CGNL1: variants seen among roughly 807,000 people sequenced by gnomAD.
The protein encoded by CGNL1 is cingulin-like protein 1.
Under a neutral mutation model 141.2 loss-of-function variants are expected in CGNL1, and 132 were observed. That is an observed-to-expected ratio of 0.93 (90% CI 0.81 to 1.08). The LOEUF (loss-of-function observed/expected upper bound fraction) is 1.08. CGNL1 is among the 50% of genes least tolerant of loss of function. The pLI is 0.00. For missense variants in CGNL1, 1,870 were observed against 1,588.6 expected (o/e 1.18, Z -3.01); for synonymous variants, 690 against 622.1 (o/e 1.11, Z -1.63).
intron 1 of CGNL1, among the ~76,000 whole-genome samples, chr15:57,382,119 T>TA (rs1243482771): frequency 6.6e-6 from 1 of 152,196 alleles, no homozygotes; most frequent in African/African-American, 2.4e-5. Context: ...AATTCCTGTT[T>TA]ATGTGGTACT....
intron 1 of CGNL1, among the ~76,000 whole-genome samples, chr15:57,394,838 G>A (rs1024574706): frequency 5.3e-5 from 8 of 152,310 alleles, no homozygotes; most frequent in South Asian, 4.1e-4. Flanking sequence ...TTGGCTGGGC[G>A]CAGTGGCTCA....
chr15:57,478,826 A>G (rs1183850292), intron 8 of CGNL1, among the ~76,000 whole-genome samples: 1 of 151,912 alleles, frequency 6.6e-6, no homozygotes. Context: ...TTTTTTAGAG[A>G]TGGGGTTTTG....
intron 1 of CGNL1, among the ~76,000 whole-genome samples, chr15:57,386,222 C>G (rs1259370585): frequency 1.3e-5 from 2 of 152,232 alleles, no homozygotes; most frequent in Non-Finnish European, 2.9e-5. Flanking sequence ...AACCCATTCC[C>G]TGCAGAGGAC....
At chr15:57,509,414 C>G (rs1173869240) in intron 8 of CGNL1, among the ~76,000 whole-genome samples, 1 of 152,110 alleles carries the variant, frequency 6.6e-6, no homozygotes, top group Non-Finnish European at 1.5e-5. Flanking sequence ...TGTCTGTGTA[C>G]TGGGTCGGCA....
chr15:57,433,885 T>G (rs1353174659), intron 1 of CGNL1, among the ~76,000 whole-genome samples: 1 of 146,078 alleles, frequency 6.8e-6, no homozygotes, highest in African/African-American at 2.5e-5. Context: ...CAGAAAAAAA[T>G]GCCCCCAGAT....
chr15:57,528,615 T>C lies in CGNL1; in HGVS notation c.3040-39T>C, dbSNP rs371518516. ...TCTGTGGAGGTCTCTATGCTCTTGA[T>C]GCACCCCAGAAAACCATCCCAGCTG... is the stretch of plus-strand genomic sequence containing the variant. On this transcript the variant is annotated intron_variant, in intron 12 of 18. Coordinates refer to ENST00000281282, the MANE Select transcript of CGNL1 (RefSeq NM_032866.5). 19 of 1,609,022 alleles carry C rather than the reference T, an allele frequency of 1.2e-5. No individual in the cohort carries two copies. In the African/African-American group the frequency reaches 2.1e-4, roughly 18 times the overall value.
chr15:57,531,150 T>A lies in CGNL1; in HGVS notation c.3202-540T>A, dbSNP rs2031930518. On this transcript the variant is annotated intron_variant, in intron 13 of 18. Transcript: ENST00000281282. ...TATTATTCTGAAGTGATGATGAGTT[T>A]AACAGAATTGGTTAGCACTGTCTTT... is the stretch of plus-strand genomic sequence containing the variant. 2.0e-5 allele frequency among the ~76,000 whole-genome samples: 3 copies of A among 152,248 alleles called. No individual in the cohort carries two copies. The South Asian group carries it at 6.2e-4, about 32-fold the overall frequency.
At chr15:57,470,984 C>T (rs192081856) in intron 8 of CGNL1, among the ~76,000 whole-genome samples, 7 of 152,270 alleles carry the variant, frequency 4.6e-5, no homozygotes, top group South Asian at 4.2e-4. Context: ...AGCTTTGGGA[C>T]GTTGGTGTAC....
chr15:57,486,125 G>A (rs1380283388), intron 8 of CGNL1, among the ~76,000 whole-genome samples: 1 of 152,142 alleles, frequency 6.6e-6, no homozygotes, highest in Non-Finnish European at 1.5e-5. Flanking sequence ...GGAATCAGCT[G>A]CCTTACTGGT....
Position 57,524,764 on chromosome 15 carries a change from C to T in CGNL1, c.3039+13C>T. 1 of 1,612,792 alleles carries T rather than the reference C, an allele frequency of 6.2e-7. No homozygotes were observed. The highest frequency in any genetic ancestry group is 8.5e-7 in the Non-Finnish European group (1 of 1,179,320). On this transcript the variant is annotated intron_variant, in intron 12 of 18. Coordinates refer to ENST00000281282, the MANE Select transcript of CGNL1 (RefSeq NM_032866.5). ...AATGCAGGATGAGGTAATGCCTGGC[C>T]AGATAAGTTCTTCCTTTATCCCTTA...
In CGNL1 at chr15:57,453,106, A is replaced by G. The variant is rs192528707; in HGVS notation, c.2055-577A>G. On this transcript the variant is annotated intron_variant, in intron 6 of 18. Transcript: ENST00000281282. ...TTTGGTTCAGGACAGAGTTTTGTAA[A>G]CTTTTTTTTCATCAGGTGGTGATTA... is the stretch of plus-strand genomic sequence containing the variant. Among the ~76,000 whole-genome samples, 6 of 152,138 alleles carry G rather than the reference A, an allele frequency of 3.9e-5. No homozygotes were observed. In the South Asian group the frequency reaches 1.2e-3, roughly 32 times the overall value.
At chr15:57,418,248 C>T (rs1488757306) in intron 1 of CGNL1, among the ~76,000 whole-genome samples, 3 of 152,150 alleles carry the variant, frequency 2.0e-5, no homozygotes, top group Non-Finnish European at 4.4e-5. Flanking sequence ...ACACCCCAGT[C>T]CATATTTCCT....
At chr15:57,516,381 A>G (rs2030798547) in intron 8 of CGNL1, among the ~76,000 whole-genome samples, 1 of 152,088 alleles carries the variant, frequency 6.6e-6, no homozygotes, top group South Asian at 2.1e-4. Flanking sequence ...CGCCTTCTGG[A>G]ATTGTTAAAA....
intron 1 of CGNL1, among the ~76,000 whole-genome samples, chr15:57,422,427 A>T (rs1038221852): frequency 1.9e-4 from 29 of 152,162 alleles, no homozygotes; most frequent in African/African-American, 6.3e-4. Flanking sequence ...TTAATACAAG[A>T]ACCTTCATAA....
intron 8 of CGNL1, among the ~76,000 whole-genome samples, chr15:57,512,003 T>A (rs903079486): frequency 2.6e-5 from 4 of 152,228 alleles, no homozygotes; most frequent in Non-Finnish European, 4.4e-5. Context: ...AGAAACATAA[T>A]GCCAGCAACT....
chr15:57,543,747 T>G lies in CGNL1; in HGVS notation c.3343T>G (p.Leu1115Val). 1 of 1,614,054 alleles carries G rather than the reference T, an allele frequency of 6.2e-7. No homozygotes were observed. Among genetic ancestry groups the G allele is most frequent in the Non-Finnish European group, 8.5e-7 (1 of 1,179,968 alleles). Residue 1115 changes from leucine (L) to valine (V), a missense_variant, in exon 15 of 19, where the codon TTG (leucine) becomes GTG (valine). Leu to Val is a conservative substitution (Grantham distance 32). Transcript: ENST00000281282. ...TCAGGAGAGAGCTGCGAGACAAGAC[T>G]TGGAGTGCGACAAGATTTCCCTGGA... Reference protein sequence around the residue: ...LLQERAARQDLECDKISLERQ... With the variant: ...LLQERAARQDVECDKISLERQ...
intron 7 of CGNL1, among the ~76,000 whole-genome samples, chr15:57,456,213 C>T (rs1362223649): frequency 2.6e-5 from 4 of 152,156 alleles, no homozygotes; most frequent in African/African-American, 9.7e-5. Context: ...ATAGTTGTGG[C>T]CAAGTTTCCC....
chr15:57,418,249 C>T lies in CGNL1; in HGVS notation c.-15-19736C>T, dbSNP rs1325676057. ...TTTCAGCCAAAATAACACCCCAGTC[C>T]ATATTTCCTGCCACTGTGGCTTCCT... On this transcript the variant is annotated intron_variant, in intron 1 of 18. Transcript: ENST00000281282. Among the ~76,000 whole-genome samples the T allele has an allele frequency of 2.0e-5, 3 of 152,146 alleles. No individual in the cohort carries two copies. In the East Asian group the frequency reaches 5.8e-4, roughly 29 times the overall value.
chr15:57,517,643 G>A (rs1306077312), intron 9 of CGNL1, among the ~76,000 whole-genome samples: 2 of 152,208 alleles, frequency 1.3e-5, no homozygotes, highest in Admixed American at 1.3e-4. Context: ...CCGTCCTTCT[G>A]TGTTGAAGTG....
Sources: gnomAD v4.1 joint callset for allele counts (sites outside exome capture counted in the v4.1 genomes callset) on GRCh38, gnomAD v4.1.1 for gene constraint, MANE v1.5 for transcripts, NCBI Gene and HGNC (gene_info 2026-07-23, HGNC 2026-07-21) for gene names.